Variants in SECISBP2 observed in about 807,000 individuals in gnomAD.
SECISBP2 encodes the protein SECIS binding protein 2.
In SECISBP2, 96 loss-of-function variants were observed where a neutral mutation model predicts 98.2. The ratio of observed to expected loss-of-function variants is 0.98; its 90% CI spans 0.83 to 1.16. The LOEUF (loss-of-function observed/expected upper bound fraction) is 1.16. SECISBP2 is among the 50% of genes most tolerant of loss of function. The pLI is 0.00. For missense variants in SECISBP2, 1,046 were observed against 1,022.9 expected (o/e 1.02, Z -0.31); for synonymous variants, 407 against 370.2 (o/e 1.10, Z -1.14).
Position 89,334,700 on chromosome 9 carries a change from A to G in SECISBP2, c.1059A>G (p.Lys353=). 10 of 1,613,884 alleles carry G rather than the reference A, an allele frequency of 6.2e-6. No homozygotes were observed. The highest frequency in any genetic ancestry group is 8.5e-6 in the Non-Finnish European group (10 of 1,179,958). ...TATCTTCGGATCCTTCCTACAACAA[A>G]GAAAAACACATTATTCATCCTACCC... ...EALSSDPSYN[K]EKHIIHPTQK... is the part of the protein sequence containing the mutation. Residue 353 remains lysine, a synonymous_variant, in exon 7 of 17, where the codon AAA becomes AAG. Transcript: ENST00000375807.
intron 5 of SECISBP2, 123 bp downstream of exon 5, chr9:89,329,009 G>A: frequency 2.5e-6 from 2 of 801,422 alleles, no homozygotes; most frequent in Non-Finnish European, 4.1e-6. Context: ...AGGATGTATT[G>A]GGGGAAGCCT....
At chr9:89,362,972 T>C (rs1832940389), downstream of SECISBP2, among the ~76,000 whole-genome samples, 2 of 152,178 alleles carry the variant, frequency 1.3e-5, no homozygotes, top group African/African-American at 4.8e-5. Context: ...GCCCAGTTCC[T>C]GCCAGGGCTT....
At position 89,332,995 on chromosome 9, in the gene SECISBP2, G is replaced by A. The variant is rs1396669195; in HGVS notation, c.880+9G>A. 6.2e-7 allele frequency: 1 copy of A among 1,610,746 alleles called. No individual in the cohort carries two copies. The highest frequency in any genetic ancestry group is 8.5e-7 in the Non-Finnish European group (1 of 1,177,366). On this transcript the variant is annotated intron_variant, in intron 6 of 16. Transcript: ENST00000375807. ...TCCTTCATGTACAAGAGGTAAAAGT[G>A]GCTGCAAAAATGTTAATTTTTAAAA... is the stretch of plus-strand genomic sequence containing the variant.
At chr9:89,338,723 C>T in intron 8 of SECISBP2, 143 bp downstream of exon 8, 2 of 834,996 alleles carry the variant, frequency 2.4e-6, no homozygotes, top group Non-Finnish European at 3.7e-6. Flanking sequence ...AAAACAGTAG[C>T]CACTCTTCTC....
intron 7 of SECISBP2, 27 bp from the exon 8 acceptor site, chr9:89,338,431 A>AT: frequency 6.2e-7 from 1 of 1,612,492 alleles, no homozygotes; most frequent in Non-Finnish European, 8.5e-7. Context: ...TAAAAACAGG[A>AT]TTTTTTGCTT....
Position 89,341,364 on chromosome 9 carries a change from TGTAAA to T in SECISBP2, c.1322_1326del (p.Val441GlufsTer117). On this transcript the variant is annotated frameshift_variant, in exon 10 of 17. Transcript: ENST00000375807. LOFTEE classifies it high-confidence loss of function. ...ACTTTCAGGATAATTTTAAAAATAA[TGTAAA>T]GAAGAGCCAGCTTCCAGTGCAGTTG... 1.2e-6 allele frequency: 2 copies of T among 1,613,824 alleles called. No individual in the cohort carries two copies. The highest frequency in any genetic ancestry group is 1.7e-6 in the Non-Finnish European group (2 of 1,179,768).
chr9:89,327,729 A>T (rs1306957720), intron 4 of SECISBP2, among the ~76,000 whole-genome samples: 1 of 152,086 alleles, frequency 6.6e-6, no homozygotes, highest in African/African-American at 2.4e-5. Flanking sequence ...ATCTCCTGTG[A>T]TAACAATGCC....
intron 10 of SECISBP2, 69 bp downstream of exon 10, chr9:89,341,548 T>A: frequency 6.3e-7 from 1 of 1,579,724 alleles, no homozygotes. Flanking sequence ...ATGTTACCAT[T>A]TTCTCTTGTT....
At position 89,319,657 on chromosome 9, in the gene SECISBP2, CAA is replaced by C. The variant is rs1371685886; in HGVS notation, c.43_44del (p.Lys15ValfsTer52). 1 of 1,614,032 alleles carries C rather than the reference CAA, an allele frequency of 6.2e-7. No individual in the cohort carries two copies. The highest frequency in any genetic ancestry group is 8.5e-7 in the Non-Finnish European group (1 of 1,180,030). On this transcript the variant is annotated frameshift_variant, in exon 2 of 17. Transcript: ENST00000375807. LOFTEE classifies it high-confidence loss of function. The part of the protein sequence containing the change: ...GPREPESEGI[K>X]LSADVKPFVP... The stretch of plus-strand genomic sequence containing the variant: ...AACCTCATATTTTTCCTCAGGGCAT[CAA>C]GTTATCAGCAGATGTCAAACCATTT...
chr9:89,365,274 C>G, the SECISBP2 span: 2 of 152,564 alleles, frequency 1.3e-5, no homozygotes, highest in African/African-American at 4.8e-5. Flanking sequence ...GTCTCTGAAG[C>G]TCCTGCTTGT....
chr9:89,334,238 TAACTAA>T (rs1299169320), intron 6 of SECISBP2: 1 of 1,163,504 alleles, frequency 8.6e-7, no homozygotes, highest in Non-Finnish European at 1.1e-6. Flanking sequence ...TGTTGTTTTT[TAACTAA>T]AACTACTGTT....
chr9:89,325,724 T>C (rs1285837579), intron 3 of SECISBP2, 48 bp downstream of exon 3: 4 of 1,612,640 alleles, frequency 2.5e-6, no homozygotes, highest in East Asian at 4.5e-5. Flanking sequence ...GTTGCTTTAA[T>C]GTTTAAAATG....
chr9:89,340,410 C>G (rs1829479782), intron 9 of SECISBP2, among the ~76,000 whole-genome samples: 1 of 152,190 alleles, frequency 6.6e-6, no homozygotes, highest in African/African-American at 2.4e-5. Context: ...ACTCCACCAC[C>G]TACCCCGTAG....
downstream of SECISBP2, among the ~76,000 whole-genome samples, chr9:89,359,880 G>A (rs918214758): frequency 6.6e-6 from 1 of 151,980 alleles, no homozygotes; most frequent in Non-Finnish European, 1.5e-5. Flanking sequence ...CTGCACTTGC[G>A]TTTTCACCAC....
chr9:89,356,291 A>G (rs954795156), intron 14 of SECISBP2, among the ~76,000 whole-genome samples: 4 of 152,176 alleles, frequency 2.6e-5, no homozygotes, highest in Non-Finnish European at 5.9e-5. Context: ...TCCCAAAACC[A>G]TCTTCCCCTG....
chr9:89,326,710 G>A (rs1826763395), intron 4 of SECISBP2, among the ~76,000 whole-genome samples: 1 of 152,152 alleles, frequency 6.6e-6, no homozygotes, highest in Admixed American at 6.5e-5. Flanking sequence ...GTCATTGTGG[G>A]AACATTTAGA....
chr9:89,320,501 T>G (rs1468787748), intron 2 of SECISBP2, among the ~76,000 whole-genome samples: 6 of 152,142 alleles, frequency 3.9e-5, no homozygotes, highest in African/African-American at 1.4e-4. Context: ...CTTTTTAAGG[T>G]TAACATTTTA....
intron 2 of SECISBP2, chr9:89,324,674 G>C (rs931328256): frequency 1.3e-5 from 2 of 152,502 alleles, no homozygotes; most frequent in Non-Finnish European, 2.9e-5. Context: ...TTTTGGAATA[G>C]CTCCGGAAAT....
At chr9:89,364,234 C>T (rs1050691217), downstream of SECISBP2, 16 of 527,772 alleles carry the variant, frequency 3.0e-5, 1 homozygote, top group South Asian at 2.0e-4. Flanking sequence ...TTTCTTGCAG[C>T]GCTGTGCTGG....
Sources: gnomAD v4.1 joint callset for allele counts (sites outside exome capture counted in the v4.1 genomes callset) on GRCh38, gnomAD v4.1.1 for gene constraint, MANE v1.5 for transcripts, NCBI Gene and HGNC (gene_info 2026-07-23, HGNC 2026-07-21) for gene names.